The following TEAD1 variants were observed in gnomAD, a reference collection of about 807,000 sequenced individuals.
TEAD1 encodes the protein TEA domain transcription factor 1, also known as transcriptional enhancer factor TEF-1.
In TEAD1, 9 loss-of-function variants were observed where a neutral mutation model predicts 54.9. The observed-to-expected ratio is 0.16, with a 90% CI of 0.10 to 0.29. The LOEUF is 0.29. Among genes scored for constraint, TEAD1 ranks in the 10% least tolerant of loss-of-function variants. The pLI is 1.00. For synonymous variants in TEAD1, 200 were observed against 187.8 expected (o/e 1.07, Z -0.53); for missense variants, 387 against 535.9 (o/e 0.72, Z 2.74).
At chr11:12,841,876 C>T (rs1947047744) in intron 3 of TEAD1, among the ~76,000 whole-genome samples, 1 of 152,124 alleles carries the variant, frequency 6.6e-6, no homozygotes, top group East Asian at 1.9e-4. Flanking sequence ...AGACTCCTAG[C>T]GTCTGTACTT....
intron 10 of TEAD1, among the ~76,000 whole-genome samples, chr11:12,919,488 AT>A (rs1373068745): frequency 2.6e-5 from 4 of 152,142 alleles, no homozygotes; most frequent in Non-Finnish European, 4.4e-5. Context: ...TTAGTGTTGA[AT>A]TTTTTTAATT....
At chr11:12,700,613 A>G (rs1943679992) in intron 2 of TEAD1, among the ~76,000 whole-genome samples, 1 of 152,134 alleles carries the variant, frequency 6.6e-6, no homozygotes, top group Admixed American at 6.5e-5. Context: ...TTTTTCTATG[A>G]TAGGAGGATT....
chr11:12,896,015 C>T (rs572827031), intron 9 of TEAD1, among the ~76,000 whole-genome samples: 1 of 147,646 alleles, frequency 6.8e-6, no homozygotes, highest in Non-Finnish European at 1.5e-5. Flanking sequence ...TTTCAGTCAC[C>T]CTATGTGCTT....
At chr11:12,693,205 G>C (rs1564908918) in intron 2 of TEAD1, among the ~76,000 whole-genome samples, 1 of 152,242 alleles carries the variant, frequency 6.6e-6, no homozygotes, top group Non-Finnish European at 1.5e-5. Context: ...TAAGTCCTGG[G>C]CTGTGTGCAC....
chr11:12,740,858 C>G, intron 2 of TEAD1, among the ~76,000 whole-genome samples: 1 of 152,022 alleles, frequency 6.6e-6, no homozygotes, highest in East Asian at 1.9e-4. Flanking sequence ...CTCGGTGGAT[C>G]CTGATGATAA....
In TEAD1 at chr11:12,938,596, C is replaced by G. The variant is rs1191242571; in HGVS notation, c.*1374C>G. The G allele has an allele frequency of 6.6e-6, 1 of 152,228 alleles. No individual in the cohort carries two copies. The highest frequency in any genetic ancestry group is 1.5e-5 in the Non-Finnish European group (1 of 68,042). 9.4% of individuals were successfully genotyped at this position (152,228 alleles called of 1,614,324 possible). On this transcript the variant is annotated 3_prime_UTR_variant, in exon 13 of 13. Transcript: ENST00000527636. ...TTCTTTAGCGTCTCTCAGTAAGTTACAGTACTTGTTTGACTTAGGTTTAAG... is the reference window on the plus strand; with the variant it reads ...TTCTTTAGCGTCTCTCAGTAAGTTAGAGTACTTGTTTGACTTAGGTTTAAG...
At chr11:12,733,604 T>TCTCCTGC (rs1217176268) in intron 2 of TEAD1, among the ~76,000 whole-genome samples, 1 of 152,278 alleles carries the variant, frequency 6.6e-6, no homozygotes, top group Non-Finnish European at 1.5e-5. Flanking sequence ...TTAATTGATG[T>TCTCCTGC]CTCCTGCCTC....
At chr11:12,875,047 C>A (rs1027158470) in intron 5 of TEAD1, among the ~76,000 whole-genome samples, 1 of 152,196 alleles carries the variant, frequency 6.6e-6, no homozygotes, top group Non-Finnish European at 1.5e-5. Context: ...TAACCTAAGA[C>A]TTCACAGAGC....
chr11:12,789,928 T>A (rs991545899), intron 3 of TEAD1, among the ~76,000 whole-genome samples: 1 of 152,270 alleles, frequency 6.6e-6, no homozygotes. Flanking sequence ...TGCTTCCAGC[T>A]GCTTTGCAGC....
At chr11:12,725,046 G>C (rs1944286991) in intron 2 of TEAD1, among the ~76,000 whole-genome samples, 1 of 152,194 alleles carries the variant, frequency 6.6e-6, no homozygotes, top group Non-Finnish European at 1.5e-5. Flanking sequence ...CCTGGGCTTG[G>C]TGGTGGCTGT....
At chr11:12,885,180 C>A (rs992174272) in intron 9 of TEAD1, among the ~76,000 whole-genome samples, 1 of 151,726 alleles carries the variant, frequency 6.6e-6, no homozygotes, top group Admixed American at 6.6e-5. Flanking sequence ...TTCATTGTAT[C>A]CTTTTCACTA....
At chr11:12,926,690 G>A (rs1948907906) in intron 11 of TEAD1, among the ~76,000 whole-genome samples, 1 of 152,168 alleles carries the variant, frequency 6.6e-6, no homozygotes, top group East Asian at 1.9e-4. Context: ...AAGGGCACAG[G>A]AATAAGGATT....
chr11:12,683,168 TAGAG>T (rs746103225), intron 2 of TEAD1, among the ~76,000 whole-genome samples: 33 of 152,342 alleles, frequency 2.2e-4, no homozygotes, highest in African/African-American at 4.8e-4. Context: ...ATAAGATTGA[TAGAG>T]AGTAAAAAGT....
chr11:12,925,127 A>T, intron 11 of TEAD1, 75 bp downstream of exon 11: 2 of 1,555,538 alleles, frequency 1.3e-6, no homozygotes, highest in Non-Finnish European at 1.8e-6. Flanking sequence ...TCCTTGGGGC[A>T]GAGAGTTGTA....
At chr11:12,682,996 T>C (rs567843999) in intron 2 of TEAD1, among the ~76,000 whole-genome samples, 17 of 152,156 alleles carry the variant, frequency 1.1e-4, no homozygotes, top group Admixed American at 6.5e-4. Context: ...GTGGAGTGAA[T>C]GCAGCGGAGA....
At chr11:12,718,361 T>C (rs998649268) in intron 2 of TEAD1, among the ~76,000 whole-genome samples, 8 of 152,136 alleles carry the variant, frequency 5.3e-5, no homozygotes, top group African/African-American at 7.2e-5. Flanking sequence ...CAGGATTGTC[T>C]TGGGGGCATG....
At chr11:12,722,649 C>CT (rs5789737) in intron 2 of TEAD1, among the ~76,000 whole-genome samples, 13,238 of 140,058 alleles carry the variant, frequency 0.095, 783 homozygotes, top group South Asian at 0.22. Context: ...CTCTCTCTTT[C>CT]TTTTTTTTTT....
rs1209202304 is a variant in TEAD1 at position 12,879,857 on chromosome 11, C to T, written c.465+15C>T. On this transcript the variant is annotated intron_variant, in intron 6 of 12. Coordinates refer to ENST00000527636, the MANE Select transcript of TEAD1 (RefSeq NM_021961.6). ...GGGCGCCGGGGGTAAGTCATGAGCTCAGTCCAGTAATGACAGCTGCTGGGG... is the reference window on the plus strand; with the variant it reads ...GGGCGCCGGGGGTAAGTCATGAGCTTAGTCCAGTAATGACAGCTGCTGGGG... 1.2e-6 allele frequency: 2 copies of T among 1,612,742 alleles called. No individual in the cohort carries two copies. Among genetic ancestry groups the T allele is most frequent in the Non-Finnish European group, 1.7e-6 (2 of 1,180,030 alleles).
intron 9 of TEAD1, among the ~76,000 whole-genome samples, chr11:12,891,387 G>A: frequency 6.6e-6 from 1 of 152,354 alleles, no homozygotes; most frequent in South Asian, 2.1e-4. Flanking sequence ...TGGCCAGCTG[G>A]TGGCTGATGA....
Sources: allele counts gnomAD v4.1 joint callset (sites outside exome capture counted in the v4.1 genomes callset), GRCh38; gene constraint gnomAD v4.1.1; transcripts MANE v1.5; gene names NCBI Gene and HGNC (gene_info 2026-07-23, HGNC 2026-07-21).